WASF2: variants seen among roughly 807,000 people sequenced by gnomAD.
WASF2 encodes actin-binding protein WASF2.
WASF2 carries 14 observed loss-of-function variants against 45.0 expected under a neutral mutation model. That is an observed-to-expected ratio of 0.31 (90% CI 0.21 to 0.49). WASF2 has a LOEUF of 0.49. Ranked by LOEUF, WASF2 falls within the 20% of genes least tolerant of loss-of-function variation. The probability of loss-of-function intolerance (pLI) is 0.99; values close to 1 mark genes in which losing one functional copy is unlikely to be tolerated. For missense variants in WASF2, 439 were observed against 636.1 expected (o/e 0.69, Z 3.33); for synonymous variants, 200 against 236.3 (o/e 0.85, Z 1.41).
chr1:27,414,590 A>G lies in WASF2; in HGVS notation c.668+243T>C, dbSNP rs1286683094. Among the ~76,000 whole-genome samples the G allele has an allele frequency of 6.6e-6, 1 of 152,130 alleles. No individual in the cohort carries two copies. The highest frequency in any genetic ancestry group is 2.4e-5 in the African/African-American group (1 of 41,422). On this transcript the variant is annotated intron_variant, in intron 6 of 8. Transcript: ENST00000618852. The surrounding 1 kb of genome is among the most constrained non-coding windows in gnomAD (Gnocchi z 4.1). ...TATCTCGCAGAGTAAGGGCACTAGG[A>G]GCCATGGGCTTTCTTTTCCAGACCA...
intron 1 of WASF2, among the ~76,000 whole-genome samples, chr1:27,475,156 A>T (rs942200650): frequency 2.0e-5 from 3 of 152,128 alleles, no homozygotes; most frequent in Non-Finnish European, 4.4e-5. Flanking sequence ...ATGTAACTGT[A>T]GTCCCAGTTA....
At chr1:27,439,167 G>A (rs946489392) in intron 1 of WASF2, among the ~76,000 whole-genome samples, 1 of 152,176 alleles carries the variant, frequency 6.6e-6, no homozygotes, top group Non-Finnish European at 1.5e-5. Flanking sequence ...TTGGCAAGCA[G>A]TCTCTCAGTC....
chr1:27,453,985 C>T (rs9438565), intron 1 of WASF2, among the ~76,000 whole-genome samples: 149,320 of 151,916 alleles, frequency 0.98, 73,429 homozygotes, highest in Middle Eastern at 1. Context: ...CTATCTTAAA[C>T]GTGTGACGTG....
chr1:27,431,379 G>A (rs1004058871), intron 1 of WASF2, among the ~76,000 whole-genome samples: 1 of 152,188 alleles, frequency 6.6e-6, no homozygotes, highest in African/African-American at 2.4e-5. Flanking sequence ...ACATGGTAAA[G>A]AGAGTTTAGA....
At chr1:27,435,727 C>A (rs1210760239) in intron 1 of WASF2, among the ~76,000 whole-genome samples, 1 of 152,194 alleles carries the variant, frequency 6.6e-6, no homozygotes, top group African/African-American at 2.4e-5. Context: ...ATGCACTCAT[C>A]TGTGCCCCAC....
chr1:27,440,172 T>C (rs1327200800), intron 1 of WASF2, among the ~76,000 whole-genome samples: 1 of 152,224 alleles, frequency 6.6e-6, no homozygotes. Flanking sequence ...AATGGGTTTC[T>C]ACCATATTTC....
At chr1:27,413,134 G>A (rs761694891) in intron 6 of WASF2, among the ~76,000 whole-genome samples, 1 of 152,176 alleles carries the variant, frequency 6.6e-6, no homozygotes, top group Non-Finnish European at 1.5e-5. Flanking sequence ...CACGTGACTG[G>A]CACACAGACT....
intron 5 of WASF2, among the ~76,000 whole-genome samples, chr1:27,415,406 T>C (rs2016813904): frequency 6.6e-6 from 1 of 152,230 alleles, no homozygotes; most frequent in South Asian, 2.1e-4. Flanking sequence ...TTTTTCCGCC[T>C]GTGCAGCTGC....
intron 1 of WASF2, among the ~76,000 whole-genome samples, chr1:27,456,047 G>A (rs1301648407): frequency 1.3e-5 from 2 of 152,112 alleles, no homozygotes; most frequent in Admixed American, 1.3e-4. Flanking sequence ...GTTAGGATGG[G>A]TGCAGTGGCT....
chr1:27,409,831 C>A lies in WASF2; in HGVS notation c.1200G>T (p.Pro400=). ...APPPPPPPPP[P]GPPPPPFTGA... ...CAGTGAAAGGGGGAGGAGGGGGCCCCGGAGGAGGAGGAGGAGGGGGAGGAG... is the reference window on the plus strand; with the variant it reads ...CAGTGAAAGGGGGAGGAGGGGGCCCAGGAGGAGGAGGAGGAGGGGGAGGAG... Residue 400 remains proline, a synonymous_variant, in exon 8 of 9, where the codon CCG becomes CCT. Transcript: ENST00000618852. 6.4e-7 allele frequency: 1 copy of A among 1,551,414 alleles called. No individual in the cohort carries two copies. The highest frequency in any genetic ancestry group is 8.7e-7 in the Non-Finnish European group (1 of 1,146,560).
At position 27,408,185 on chromosome 1, in the gene WASF2, A is replaced by C. The variant is rs1227013889; in HGVS notation, c.*4T>G. The C allele has an allele frequency of 6.2e-7, 1 of 1,608,512 alleles. No individual in the cohort carries two copies. Among genetic ancestry groups the C allele is most frequent in the South Asian group, 1.1e-5 (1 of 90,682 alleles). ...AAAAGAAGGTGGGCAGCAGGCAGAA[A>C]GAGTTAATCGGACCAGTCGTCCTCA... On this transcript the variant is annotated 3_prime_UTR_variant, in exon 9 of 9. Transcript: ENST00000618852.
At chr1:27,485,736 G>C (rs896949966) in intron 1 of WASF2, among the ~76,000 whole-genome samples, 9 of 151,980 alleles carry the variant, frequency 5.9e-5, no homozygotes, top group Admixed American at 2.0e-4. Context: ...GTTTGAGACA[G>C]AGTCTTGCTC....
At chr1:27,474,205 T>C (rs527268939) in intron 1 of WASF2, among the ~76,000 whole-genome samples, 2 of 152,330 alleles carry the variant, frequency 1.3e-5, no homozygotes, top group African/African-American at 4.8e-5. Flanking sequence ...AGGAGATAGA[T>C]ACATAGGAGT....
At chr1:27,439,965 C>A (rs1262808795) in intron 1 of WASF2, among the ~76,000 whole-genome samples, 1 of 152,114 alleles carries the variant, frequency 6.6e-6, no homozygotes, top group Admixed American at 6.6e-5. Flanking sequence ...CATGCCACTG[C>A]CCTCCAGCCT....
chr1:27,456,146 C>T (rs1271255016), intron 1 of WASF2, among the ~76,000 whole-genome samples: 1 of 151,876 alleles, frequency 6.6e-6, no homozygotes, highest in Non-Finnish European at 1.5e-5. Context: ...CACAATAAAA[C>T]CCCATCGCTA....
intron 5 of WASF2, among the ~76,000 whole-genome samples, chr1:27,415,543 TC>T: frequency 6.6e-6 from 1 of 151,518 alleles, no homozygotes; most frequent in South Asian, 2.1e-4. Context: ...CCTACATATA[TC>T]CCCCCACCCT....
At chr1:27,464,458 C>T in intron 1 of WASF2, among the ~76,000 whole-genome samples, 1 of 152,000 alleles carries the variant, frequency 6.6e-6, no homozygotes. Context: ...ATGAATCTTA[C>T]AATTAGTCTG....
At chr1:27,446,822 TA>T (rs2017316362) in intron 1 of WASF2, among the ~76,000 whole-genome samples, 1 of 151,232 alleles carries the variant, frequency 6.6e-6, no homozygotes, top group South Asian at 2.1e-4. Flanking sequence ...TTTGGTACAG[TA>T]GCCGGAACTT....
intron 1 of WASF2, among the ~76,000 whole-genome samples, chr1:27,465,515 C>T (rs2017602126): frequency 6.6e-6 from 1 of 152,120 alleles, no homozygotes; most frequent in African/African-American, 2.4e-5. Flanking sequence ...GGTTTTCCCC[C>T]AATTAGCCCA....
Sources: gnomAD v4.1 joint callset for allele counts (sites outside exome capture counted in the v4.1 genomes callset) on GRCh38, gnomAD v4.1.1 for gene constraint, Gnocchi (gnomAD v3.1) non-coding constraint, MANE v1.5 for transcripts, NCBI Gene and HGNC (gene_info 2026-07-23, HGNC 2026-07-21) for gene names.